The following ANO4 variants were observed in gnomAD, a reference collection of about 807,000 sequenced individuals.
ANO4 encodes the protein anoctamin-4.
Under a neutral mutation model 141.9 loss-of-function variants are expected in ANO4, and 69 were observed. The observed-to-expected ratio is 0.49, with a 90% CI of 0.40 to 0.59. ANO4 has a LOEUF of 0.59. Among genes scored for constraint, ANO4 ranks in the 20% least tolerant of loss-of-function variants. ANO4 has a pLI of 0.00. For synonymous variants in ANO4, 350 were observed against 394.3 expected, an observed-to-expected ratio of 0.89 and a Z score of 1.33; for missense variants, 894 against 1,162.2, an observed-to-expected ratio of 0.77 and a Z score of 3.36.
chr12:100,976,776 A>G (rs1404702897), intron 7 of ANO4, among the ~76,000 whole-genome samples: 3 of 152,238 alleles, frequency 2.0e-5, no homozygotes, highest in Admixed American at 1.3e-4. Context: ...CCAATATCAA[A>G]GAAAACCTGA....
At chr12:100,882,302 C>T (rs1429516937) in intron 1 of ANO4, among the ~76,000 whole-genome samples, 2 of 152,158 alleles carry the variant, frequency 1.3e-5, no homozygotes, top group East Asian at 1.9e-4. Context: ...TCAGAGCCTA[C>T]ACTCTGAACC....
At chr12:100,827,476 T>G (rs1187141882) in intron 1 of ANO4, among the ~76,000 whole-genome samples, 1 of 152,054 alleles carries the variant, frequency 6.6e-6, no homozygotes, top group African/African-American at 2.4e-5. Context: ...TGTTGTTTTT[T>G]TATCCCTCTA....
At chr12:100,904,125 TG>T (rs1175817879) in intron 2 of ANO4, among the ~76,000 whole-genome samples, 1 of 152,178 alleles carries the variant, frequency 6.6e-6, no homozygotes, top group Non-Finnish European at 1.5e-5. Flanking sequence ...AATAAATATT[TG>T]TAGGGTAGGA....
intron 4 of ANO4, among the ~76,000 whole-genome samples, chr12:100,940,132 C>G (rs1367379749): frequency 6.6e-6 from 1 of 151,620 alleles, no homozygotes; most frequent in Non-Finnish European, 1.5e-5. Flanking sequence ...ATTGTTTACT[C>G]TTGCCAAGCT....
At chr12:101,113,570 A>G (rs1358326240) in intron 24 of ANO4, among the ~76,000 whole-genome samples, 1 of 152,092 alleles carries the variant, frequency 6.6e-6, no homozygotes, top group East Asian at 1.9e-4. Context: ...GTTTTCAAGT[A>G]GTTAAATTTA....
Position 101,080,890 on chromosome 12 carries a change from T to TA in ANO4, c.1395+1616dup, listed in dbSNP as rs2049235958. Among the ~76,000 whole-genome samples, 5 of 135,902 alleles carry TA rather than the reference T, an allele frequency of 3.7e-5. No individual in the cohort carries two copies. In the Admixed American group the frequency reaches 4.0e-4, roughly 11 times the overall value. 89.2% of individuals were successfully genotyped at this position (135,902 alleles called of 152,430 possible). The stretch of plus-strand genomic sequence containing the variant: ...GATATATATATATATATATTATATA[T>TA]ATATATATATACATACACATATACA... On this transcript the variant is annotated intron_variant, in intron 15 of 27. Transcript: ENST00000392977.
At chr12:100,806,523 C>CTTTCTTTTT in intron 1 of ANO4, among the ~76,000 whole-genome samples, 1 of 44,982 alleles carries the variant, frequency 2.2e-5, no homozygotes, top group East Asian at 1.1e-3. Context: ...TTTTTTGTTT[C>CTTTCTTTTT]GTTTTTTTTT....
At chr12:100,979,822 G>A (rs1386194989) in intron 7 of ANO4, among the ~76,000 whole-genome samples, 2 of 151,730 alleles carry the variant, frequency 1.3e-5, no homozygotes, top group Non-Finnish European at 2.9e-5. Flanking sequence ...CCGCCTCCCG[G>A]GTTCACGCCA....
At chr12:100,838,525 A>G (rs1485606431) in intron 1 of ANO4, among the ~76,000 whole-genome samples, 8 of 152,184 alleles carry the variant, frequency 5.3e-5, no homozygotes, top group Non-Finnish European at 1.2e-4. Context: ...AGGGAAAGAG[A>G]TTACAGCTGA....
chr12:100,933,671 G>A (rs1027587738), intron 3 of ANO4, among the ~76,000 whole-genome samples: 12 of 152,170 alleles, frequency 7.9e-5, no homozygotes, highest in Non-Finnish European at 1.6e-4. Context: ...TCTAATTCTA[G>A]ATCCTTAAGG....
At chr12:101,000,196 G>A (rs2045578519) in intron 8 of ANO4, among the ~76,000 whole-genome samples, 2 of 152,300 alleles carry the variant, frequency 1.3e-5, no homozygotes, top group South Asian at 2.1e-4. Flanking sequence ...TGCAGTTGGT[G>A]TGTAATGGGA....
intron 2 of ANO4, among the ~76,000 whole-genome samples, chr12:100,738,816 C>T (rs1593248183): frequency 6.6e-6 from 1 of 151,640 alleles, no homozygotes; most frequent in African/African-American, 2.4e-5. Flanking sequence ...GTGGTAAGAG[C>T]ACCTAAAATC....
At position 100,766,189 on chromosome 12, in the gene ANO4, AT is replaced by A. The variant is rs146724483; in HGVS notation, c.358+26085del. Among the ~76,000 whole-genome samples, 61 of 152,232 alleles carry A rather than the reference AT, an allele frequency of 4.0e-4. No individual in the cohort carries two copies. In the East Asian group the frequency reaches 0.012, roughly 29 times the overall value. ...TCCAGGTTCATCCAGGTTGTTGCAA[AT>A]GATAGAATTCCTTTTCTTTTTAAAG... On this transcript the variant is annotated intron_variant, in intron 3 of 29. Transcript: ENST00000644049.
At chr12:101,092,472 A>C (rs1035522342) in intron 17 of ANO4, among the ~76,000 whole-genome samples, 1 of 152,176 alleles carries the variant, frequency 6.6e-6, no homozygotes, top group Non-Finnish European at 1.5e-5. Flanking sequence ...TCAACCGTCT[A>C]ATGAGAAATC....
chr12:100,816,658 G>C (rs916930979), intron 1 of ANO4, among the ~76,000 whole-genome samples: 1 of 151,966 alleles, frequency 6.6e-6, no homozygotes, highest in African/African-American at 2.4e-5. Context: ...TGTTTATAAA[G>C]GAGAAAGGAG....
At chr12:100,901,127 A>G (rs1177359293) in intron 1 of ANO4, among the ~76,000 whole-genome samples, 1 of 152,230 alleles carries the variant, frequency 6.6e-6, no homozygotes, top group Non-Finnish European at 1.5e-5. Flanking sequence ...ATGAAAAAAA[A>G]TTGGAAAAAT....
chr12:100,987,283 T>C (rs1019381360), intron 7 of ANO4: 16 of 414,246 alleles, frequency 3.9e-5, no homozygotes, highest in African/African-American at 3.2e-4. Flanking sequence ...CATTTATTAT[T>C]GGCATGTGGG....
intron 5 of ANO4, among the ~76,000 whole-genome samples, chr12:100,961,882 A>G (rs1566061433): frequency 6.6e-6 from 1 of 152,202 alleles, no homozygotes; most frequent in Non-Finnish European, 1.5e-5. Context: ...TTGCTGCAAC[A>G]TAACTTAGCC....
chr12:100,936,987 A>G (rs2042312721), intron 3 of ANO4, among the ~76,000 whole-genome samples: 1 of 152,236 alleles, frequency 6.6e-6, no homozygotes, highest in Non-Finnish European at 1.5e-5. Flanking sequence ...CTTATTGTTC[A>G]AATATCATCA....
Sources: allele counts gnomAD v4.1 joint callset (sites outside exome capture counted in the v4.1 genomes callset), GRCh38; gene constraint gnomAD v4.1.1; transcripts MANE v1.5; gene names NCBI Gene and HGNC (gene_info 2026-07-23, HGNC 2026-07-21).